Variants in TMEM135 observed in about 807,000 individuals in gnomAD.
TMEM135 encodes the protein transmembrane protein 135, also known as peroxisomal membrane protein 52.
TMEM135 carries 30 observed loss-of-function variants against 60.3 expected under a neutral mutation model. That is an observed-to-expected ratio of 0.50 (90% CI 0.37 to 0.68). TMEM135 has a LOEUF of 0.68. Ranked by LOEUF, TMEM135 falls within the 30% of genes least tolerant of loss-of-function variation. The pLI, the probability that TMEM135 is intolerant of heterozygous loss-of-function variation, is 0.00. For synonymous variants in TMEM135, 190 were observed against 186.7 expected (o/e 1.02, Z -0.14); for missense variants, 468 against 548.8 (o/e 0.85, Z 1.47).
intron 7 of TMEM135, among the ~76,000 whole-genome samples, chr11:87,296,198 C>T (rs1040346456): frequency 6.6e-6 from 1 of 152,134 alleles, no homozygotes; most frequent in South Asian, 2.1e-4. Flanking sequence ...GACTCATGTA[C>T]TGTCAAACAC....
intron 6 of TMEM135, among the ~76,000 whole-genome samples, chr11:87,273,540 A>T (rs1941911135): frequency 6.6e-6 from 1 of 152,160 alleles, no homozygotes; most frequent in African/African-American, 2.4e-5. Flanking sequence ...TCACAAAATG[A>T]AAATCATCAC....
intron 4 of TMEM135, among the ~76,000 whole-genome samples, chr11:87,120,530 G>C (rs1439224645): frequency 7.8e-6 from 1 of 128,836 alleles, no homozygotes; most frequent in Non-Finnish European, 1.6e-5. Context: ...GGATTGCAGT[G>C]GTATGATCTC....
intron 2 of TMEM135, among the ~76,000 whole-genome samples, chr11:87,068,266 A>C (rs1178389624): frequency 6.6e-6 from 1 of 152,102 alleles, no homozygotes; most frequent in Non-Finnish European, 1.5e-5. Context: ...CTGTTTTTGG[A>C]ACTTTTGGTC....
intron 5 of TMEM135, among the ~76,000 whole-genome samples, chr11:87,169,567 G>C (rs1317433248): frequency 1.3e-5 from 2 of 151,964 alleles, no homozygotes; most frequent in African/African-American, 4.8e-5. Flanking sequence ...ATGAAGCTTA[G>C]TTTGGTTGGA....
At chr11:87,120,506 C>CT (rs1858026679) in intron 4 of TMEM135, among the ~76,000 whole-genome samples, 1 of 111,166 alleles carries the variant, frequency 9.0e-6, no homozygotes, top group Non-Finnish European at 1.7e-5. Context: ...GAGTTTCGCT[C>CT]TGTCACCCAG....
In TMEM135 at chr11:87,175,155, AT is replaced by A. The variant is rs1414565219; in HGVS notation, c.462+17752del. Among the ~76,000 whole-genome samples, 5 of 152,294 alleles carry A rather than the reference AT, an allele frequency of 3.3e-5. No homozygotes were observed. In the East Asian group the frequency reaches 9.6e-4, roughly 29 times the overall value. On this transcript the variant is annotated intron_variant, in intron 5 of 14. Coordinates refer to ENST00000305494, the MANE Select transcript of TMEM135 (RefSeq NM_022918.4). ...TAATTATAATAATATCTTGATATTT[AT>A]TTCAGTTCTCCAATTCCATGAATCA...
At chr11:87,217,628 A>G (rs1429880393) in intron 5 of TMEM135, among the ~76,000 whole-genome samples, 1 of 152,106 alleles carries the variant, frequency 6.6e-6, no homozygotes, top group African/African-American at 2.4e-5. Context: ...TCTGCTAAAT[A>G]TGCAAAGTTA....
chr11:87,285,132 TAAGC>T (rs1272360849), intron 6 of TMEM135, among the ~76,000 whole-genome samples: 3 of 152,214 alleles, frequency 2.0e-5, no homozygotes, highest in Admixed American at 6.5e-5. Context: ...AATCGTATGA[TAAGC>T]AAGCATCAAT....
At chr11:87,272,715 G>A (rs1019433462) in intron 6 of TMEM135, among the ~76,000 whole-genome samples, 10 of 152,054 alleles carry the variant, frequency 6.6e-5, no homozygotes, top group African/African-American at 2.4e-4. Flanking sequence ...TCCTGTTTCA[G>A]CCTCCCAAAG....
intron 5 of TMEM135, among the ~76,000 whole-genome samples, chr11:87,169,026 G>T (rs1939150159): frequency 6.6e-6 from 1 of 151,936 alleles, no homozygotes; most frequent in African/African-American, 2.4e-5. Flanking sequence ...AACTCATCTT[G>T]TTGCACTGAT....
Position 87,185,882 on chromosome 11 carries a change from T to G in TMEM135, c.462+28476T>G, listed in dbSNP as rs371771806. On this transcript the variant is annotated intron_variant, in intron 5 of 14. Transcript: ENST00000305494. ...AGGAAATCATAGATTTAAACATATT[T>G]TGTGTGTTTCAATCTGTTGTAGTTA... Among the ~76,000 whole-genome samples the G allele has an allele frequency of 1.7e-4, 26 of 151,808 alleles. 1 individual carries two copies. In the South Asian group the frequency reaches 5.4e-3, roughly 32 times the overall value.
rs529424437 is a variant in TMEM135, at chr11:87,324,610, T to C, written c.*3277T>C. The C allele has an allele frequency of 2.3e-6, 1 of 438,582 alleles. No homozygotes were observed. The highest frequency in any genetic ancestry group is 4.5e-6 in the Non-Finnish European group (1 of 223,098). The allele number at this position is 438,582 out of a possible 1,614,324, so 27.2% of individuals were successfully genotyped here. A position where few individuals can be genotyped will look rare whatever the true frequency, so the allele number is the denominator to read the frequency against. Reference sequence around the variant, plus strand: ...AATATTTATTTTATTTATTTTTTTTTTGTAGAAACAAGGTGTTGCTATGTT... The same window carrying C: ...AATATTTATTTTATTTATTTTTTTTCTGTAGAAACAAGGTGTTGCTATGTT... On this transcript the variant is annotated 3_prime_UTR_variant, in exon 15 of 15. Coordinates refer to ENST00000305494, the MANE Select transcript of TMEM135 (RefSeq NM_022918.4).
At chr11:87,122,084 C>T (rs933805154) in intron 4 of TMEM135, among the ~76,000 whole-genome samples, 3 of 152,192 alleles carry the variant, frequency 2.0e-5, no homozygotes, top group Non-Finnish European at 4.4e-5. Flanking sequence ...GGGTGTCAAT[C>T]TACATCTGAA....
At chr11:87,143,439 T>C (rs1938321258) in intron 4 of TMEM135, among the ~76,000 whole-genome samples, 2 of 152,018 alleles carry the variant, frequency 1.3e-5, no homozygotes. Flanking sequence ...CTAGTTGTTT[T>C]TGATTGGAAA....
chr11:87,247,699 C>T (rs1211841881), intron 6 of TMEM135, among the ~76,000 whole-genome samples: 1 of 152,174 alleles, frequency 6.6e-6, no homozygotes, highest in African/African-American at 2.4e-5. Flanking sequence ...GTTTTTTAAG[C>T]CTGTCGGAAA....
chr11:87,247,563 G>A (rs1941312551), intron 6 of TMEM135, among the ~76,000 whole-genome samples: 1 of 152,134 alleles, frequency 6.6e-6, no homozygotes, highest in Admixed American at 6.5e-5. Context: ...GCAATGGCAG[G>A]CACCCCTCCC....
intron 6 of TMEM135, among the ~76,000 whole-genome samples, chr11:87,282,742 G>A (rs961801721): frequency 1.2e-4 from 19 of 152,316 alleles, no homozygotes; most frequent in African/African-American, 3.8e-4. Flanking sequence ...GACTTCAGCA[G>A]GTACAGACAG....
At chr11:87,100,683 G>T (rs907873353) in intron 4 of TMEM135, among the ~76,000 whole-genome samples, 68 of 152,116 alleles carry the variant, frequency 4.5e-4, no homozygotes, top group African/African-American at 1.6e-3. Flanking sequence ...CCAACATGGT[G>T]AAACTCCGTA....
At chr11:87,269,280 GTTTT>G (rs374547199) in intron 6 of TMEM135, among the ~76,000 whole-genome samples, 3,355 of 115,312 alleles carry the variant, frequency 0.029, 157 homozygotes, top group African/African-American at 0.098. Flanking sequence ...TTGCTTTAGG[GTTTT>G]TTTTTTTTTT....
Sources: allele counts gnomAD v4.1 joint callset (sites outside exome capture counted in the v4.1 genomes callset), GRCh38; gene constraint gnomAD v4.1.1; transcripts MANE v1.5; gene names NCBI Gene and HGNC (gene_info 2026-07-23, HGNC 2026-07-21).